Variants in AVL9 observed in about 807,000 individuals in gnomAD.
AVL9 encodes the protein AVL9 cell migration associated, also known as late secretory pathway protein AVL9 homolog.
A neutral mutation model predicts 79.2 loss-of-function variants in AVL9; 49 were observed. That is an observed-to-expected ratio of 0.62 (90% confidence interval 0.49 to 0.79). The LOEUF is 0.79. Ranked by LOEUF, AVL9 falls within the 30% of genes least tolerant of loss-of-function variation. The pLI, the probability that AVL9 is intolerant of heterozygous loss-of-function variation, is 0.00. For synonymous variants in AVL9, 299 were observed against 280.6 expected (o/e 1.07, Z -0.65); for missense variants, 682 against 776.8 (o/e 0.88, Z 1.45).
chr7:32,526,431 TATCA>T (rs1386551748), intron 1 of AVL9, among the ~76,000 whole-genome samples: 1 of 152,070 alleles, frequency 6.6e-6, no homozygotes, highest in African/African-American at 2.4e-5. Flanking sequence ...AGAAAACATA[TATCA>T]AAACGAAATA....
chr7:32,511,671 A>T (rs746928123), intron 1 of AVL9, among the ~76,000 whole-genome samples: 1 of 151,786 alleles, frequency 6.6e-6, no homozygotes, highest in Non-Finnish European at 1.5e-5. Context: ...TCCGGGAGGT[A>T]GGGTGCTGGG....
At chr7:32,526,357 G>C (rs1788399328) in intron 1 of AVL9, among the ~76,000 whole-genome samples, 1 of 152,152 alleles carries the variant, frequency 6.6e-6, no homozygotes, top group African/African-American at 2.4e-5. Flanking sequence ...GTCGTCCAAG[G>C]CTCCAGTTCA....
chr7:32,512,605 C>T (rs984105381), intron 1 of AVL9, among the ~76,000 whole-genome samples: 5 of 152,136 alleles, frequency 3.3e-5, no homozygotes, highest in African/African-American at 1.2e-4. Context: ...CTTTTCGTAG[C>T]TTACCTCGTA....
At chr7:32,528,949 G>A (rs1432675426) in intron 1 of AVL9, among the ~76,000 whole-genome samples, 2 of 152,200 alleles carry the variant, frequency 1.3e-5, no homozygotes, top group Non-Finnish European at 2.9e-5. Context: ...AGCAGAGCCT[G>A]CAGTGAGCCA....
At chr7:32,554,627 G>A (rs1297436219) in intron 8 of AVL9, 31 bp downstream of exon 8, 3 of 1,382,166 alleles carry the variant, frequency 2.2e-6, no homozygotes, top group Admixed American at 2.4e-5. Context: ...AGGAAAGATG[G>A]AGTATTTAAC....
chr7:32,518,889 GA>G (rs1461592847), intron 1 of AVL9, among the ~76,000 whole-genome samples: 1 of 152,122 alleles, frequency 6.6e-6, no homozygotes, highest in Non-Finnish European at 1.5e-5. Context: ...GATTTCATTA[GA>G]AAAATTGTGT....
chr7:32,515,680 T>C (rs1307677738), intron 1 of AVL9, among the ~76,000 whole-genome samples: 1 of 152,150 alleles, frequency 6.6e-6, no homozygotes, highest in African/African-American at 2.4e-5. Context: ...TTCATCTTGG[T>C]TAAAGTTATG....
At chr7:32,515,192 CA>C in intron 1 of AVL9, among the ~76,000 whole-genome samples, 1 of 152,226 alleles carries the variant, frequency 6.6e-6, no homozygotes, top group Non-Finnish European at 1.5e-5. Context: ...GGATGTGTCA[CA>C]GGTACGTCTT....
intron 3 of AVL9, 55 bp downstream of exon 3, chr7:32,544,834 A>G: frequency 2.4e-6 from 3 of 1,268,102 alleles, no homozygotes; most frequent in Non-Finnish European, 3.4e-6. Context: ...GATGTTGGAC[A>G]CTTAAACACA....
rs539363741 is a variant in AVL9 at position 32,570,070 on chromosome 7, C to T, written c.1266C>T (p.Ser422=). ...CATTGCAGCAGCATCATCTTCTCTC[C>T]GATGTCACCGTTCGGGGGTTTGTTG... The part of the protein sequence containing the change: ...YMALQQHHLL[S]DVTVRGFVAG... Residue 422 remains serine, a synonymous_variant, in exon 11 of 16, where the codon TCC becomes TCT. Transcript: ENST00000318709. 44 of 1,614,058 alleles carry T rather than the reference C, an allele frequency of 2.7e-5. No individual in the cohort carries two copies. The highest frequency in any genetic ancestry group is 2.3e-4 in the Admixed American group (14 of 59,992).
intron 10 of AVL9, chr7:32,562,432 A>T (rs1394394738): frequency 6.4e-6 from 1 of 156,980 alleles, no homozygotes; most frequent in Non-Finnish European, 1.4e-5. Context: ...TTTGAATATA[A>T]CTGTTTTGGC....
intron 11 of AVL9, among the ~76,000 whole-genome samples, chr7:32,572,618 T>A (rs1028656028): frequency 3.3e-5 from 5 of 149,928 alleles, no homozygotes; most frequent in African/African-American, 1.3e-4. Context: ...CTGGCTAACA[T>A]GGTGAAATCC....
intron 8 of AVL9, 21 bp from the exon 9 acceptor site, chr7:32,558,537 AT>A: frequency 6.3e-7 from 1 of 1,574,956 alleles, no homozygotes; most frequent in Non-Finnish European, 8.7e-7. Flanking sequence ...TTCTAATTTG[AT>A]TTTGATTGAC....
intron 10 of AVL9, among the ~76,000 whole-genome samples, chr7:32,566,603 G>A (rs1790583169): frequency 6.6e-6 from 1 of 152,096 alleles, no homozygotes; most frequent in Non-Finnish European, 1.5e-5. Flanking sequence ...TTTTGGCCAG[G>A]TGCGGTGGCT....
chr7:32,519,899 T>G (rs1036131837), intron 1 of AVL9, among the ~76,000 whole-genome samples: 1 of 152,100 alleles, frequency 6.6e-6, no homozygotes. Flanking sequence ...ATAGAGGAAG[T>G]GAGCACATCT....
chr7:32,539,049 T>C (rs1789047885), intron 1 of AVL9: 1 of 152,286 alleles, frequency 6.6e-6, no homozygotes, highest in Admixed American at 6.5e-5. Context: ...GTCGGGAGTT[T>C]GAGACTAGCC....
At chr7:32,505,352 C>T (rs1436313558) in intron 1 of AVL9, among the ~76,000 whole-genome samples, 2 of 151,104 alleles carry the variant, frequency 1.3e-5, no homozygotes, top group African/African-American at 2.4e-5. Context: ...GGTGAAACCC[C>T]ATCTCTACTA....
At chr7:32,570,620 T>C (rs1290514772) in intron 11 of AVL9, among the ~76,000 whole-genome samples, 2 of 146,018 alleles carry the variant, frequency 1.4e-5, no homozygotes, top group Non-Finnish European at 3.1e-5. Flanking sequence ...TGAAATAATC[T>C]TTTTTCTTTT....
At chr7:32,502,345 A>G (rs2128111467) in intron 1 of AVL9, among the ~76,000 whole-genome samples, 1 of 148,138 alleles carries the variant, frequency 6.8e-6, no homozygotes, top group East Asian at 2.0e-4. Context: ...GTGAGCCGAG[A>G]TGGCACCACT....
Sources: gnomAD v4.1 joint callset for allele counts (sites outside exome capture counted in the v4.1 genomes callset) on GRCh38, gnomAD v4.1.1 for gene constraint, MANE v1.5 for transcripts, NCBI Gene and HGNC (gene_info 2026-07-23, HGNC 2026-07-21) for gene names.